LRRC4C: variants seen among roughly 807,000 people sequenced by gnomAD.
The protein encoded by LRRC4C is leucine-rich repeat-containing protein 4C.
LRRC4C carries 5 observed loss-of-function variants against 33.6 expected under a neutral mutation model. The observed-to-expected ratio is 0.15, with a 90% CI of 0.08 to 0.31. The LOEUF (loss-of-function observed/expected upper bound fraction) is 0.31. Ranked by LOEUF, LRRC4C falls within the 10% of genes least tolerant of loss-of-function variation. The pLI, the probability that LRRC4C is intolerant of heterozygous loss-of-function variation, is 1.00. For missense variants in LRRC4C, 560 were observed against 796.7 expected (o/e 0.70, Z 3.58); for synonymous variants, 329 against 302.0 (o/e 1.09, Z -0.93).
intron 3 of LRRC4C, among the ~76,000 whole-genome samples, chr11:40,608,914 C>T (rs530375482): frequency 6.6e-6 from 1 of 152,124 alleles, no homozygotes; most frequent in South Asian, 2.1e-4. Flanking sequence ...ATCAACACTC[C>T]GAAATATATG....
At chr11:40,940,121 C>T (rs1298529213) in intron 1 of LRRC4C, among the ~76,000 whole-genome samples, 1 of 152,126 alleles carries the variant, frequency 6.6e-6, no homozygotes, top group Non-Finnish European at 1.5e-5. Flanking sequence ...TTTAATCTCA[C>T]ACTGTCACAG....
chr11:41,349,733 G>C (rs1227048140), intron 1 of LRRC4C, among the ~76,000 whole-genome samples: 4 of 152,122 alleles, frequency 2.6e-5, no homozygotes, highest in Non-Finnish European at 5.9e-5. Context: ...ACCAGTGTAA[G>C]AACTCCGGCA....
At chr11:40,258,120 C>A (rs536101261) in intron 4 of LRRC4C, among the ~76,000 whole-genome samples, 1 of 152,066 alleles carries the variant, frequency 6.6e-6, no homozygotes, top group Non-Finnish European at 1.5e-5. Flanking sequence ...ATTTTCACCA[C>A]GTTTCATAGT....
chr11:40,492,242 T>G (rs1472139746), intron 3 of LRRC4C, among the ~76,000 whole-genome samples: 1 of 152,202 alleles, frequency 6.6e-6, no homozygotes, highest in African/African-American at 2.4e-5. Context: ...CTCGACTACG[T>G]TGTCAAATCT....
chr11:40,921,207 G>A (rs185656609), intron 2 of LRRC4C, among the ~76,000 whole-genome samples: 26 of 152,282 alleles, frequency 1.7e-4, no homozygotes, highest in African/African-American at 5.1e-4. Context: ...ACAGGCCTAA[G>A]CCACCAAGTC....
At chr11:41,210,053 G>A (rs575756259) in intron 1 of LRRC4C, among the ~76,000 whole-genome samples, 55 of 152,234 alleles carry the variant, frequency 3.6e-4, no homozygotes, top group African/African-American at 1.3e-3. Flanking sequence ...AGAAAGAGAG[G>A]CCTCACTTGA....
intron 3 of LRRC4C, among the ~76,000 whole-genome samples, chr11:40,383,832 G>T (rs1948992446): frequency 1.3e-5 from 2 of 151,694 alleles, no homozygotes; most frequent in African/African-American, 4.8e-5. Flanking sequence ...ACACAGGCAT[G>T]CAACACCGTG....
chr11:41,431,957 C>G (rs747664657), intron 1 of LRRC4C, among the ~76,000 whole-genome samples: 3 of 151,956 alleles, frequency 2.0e-5, no homozygotes, highest in Non-Finnish European at 4.4e-5. Context: ...AGGAGTATGT[C>G]ATCTAAAAGA....
chr11:41,392,061 A>G (rs187673336), intron 1 of LRRC4C, among the ~76,000 whole-genome samples: 5 of 152,020 alleles, frequency 3.3e-5, no homozygotes, highest in Non-Finnish European at 5.9e-5. Flanking sequence ...ACTCACTGGA[A>G]CTATAAAAAA....
chr11:41,192,398 TAC>T (rs148065178), intron 1 of LRRC4C, among the ~76,000 whole-genome samples: 64,582 of 145,636 alleles, frequency 0.44, 15,497 homozygotes, highest in Non-Finnish European at 0.55. Context: ...AAGAAGATCA[TAC>T]ACACACACAC....
intron 1 of LRRC4C, among the ~76,000 whole-genome samples, chr11:41,458,297 T>G (rs1039848142): frequency 6.6e-6 from 1 of 152,146 alleles, no homozygotes; most frequent in African/African-American, 2.4e-5. Context: ...ACCATCCACA[T>G]GCACTGGCAG....
chr11:40,496,848 A>C (rs1332886834), intron 3 of LRRC4C, among the ~76,000 whole-genome samples: 4 of 152,148 alleles, frequency 2.6e-5, no homozygotes, highest in Non-Finnish European at 4.4e-5. Context: ...CATGTCTTGA[A>C]TGTACTAGAA....
At chr11:40,291,844 T>A (rs1944214664) in intron 4 of LRRC4C, among the ~76,000 whole-genome samples, 1 of 152,018 alleles carries the variant, frequency 6.6e-6, no homozygotes, top group African/African-American at 2.4e-5. Flanking sequence ...TGCATCTAAC[T>A]CCGGGGCTGA....
chr11:40,931,070 G>C (rs1957598811), intron 2 of LRRC4C, among the ~76,000 whole-genome samples: 1 of 152,094 alleles, frequency 6.6e-6, no homozygotes, highest in Non-Finnish European at 1.5e-5. Context: ...AAGAAACAGT[G>C]TCCCAGAAGA....
intron 1 of LRRC4C, among the ~76,000 whole-genome samples, chr11:41,198,854 A>G (rs369376751): frequency 6.6e-6 from 1 of 152,128 alleles, no homozygotes; most frequent in East Asian, 1.9e-4. Flanking sequence ...TGGGAATGCT[A>G]TATTTACTGA....
intron 1 of LRRC4C, among the ~76,000 whole-genome samples, chr11:41,104,129 AC>A (rs1371049442): frequency 1.3e-5 from 2 of 151,906 alleles, no homozygotes; most frequent in African/African-American, 2.4e-5. Flanking sequence ...ACGATTAATA[AC>A]TTTTGCTTCT....
At chr11:40,830,684 C>A (rs1952373841) in intron 2 of LRRC4C, among the ~76,000 whole-genome samples, 1 of 152,096 alleles carries the variant, frequency 6.6e-6, no homozygotes. Flanking sequence ...GAGTCTCCCT[C>A]TACCCTTCAT....
chr11:41,029,568 G>T (rs1391747752), intron 1 of LRRC4C, among the ~76,000 whole-genome samples: 1 of 151,790 alleles, frequency 6.6e-6, no homozygotes, highest in Non-Finnish European at 1.5e-5. Context: ...GTAACACAGA[G>T]AATGTTGGTT....
chr11:40,871,215 C>T (rs1349459237), intron 2 of LRRC4C, among the ~76,000 whole-genome samples: 2 of 152,120 alleles, frequency 1.3e-5, no homozygotes, highest in Admixed American at 1.3e-4. Context: ...TTGCCCCTGT[C>T]CTGTGGTCCT....
Sources: allele counts gnomAD v4.1 joint callset (sites outside exome capture counted in the v4.1 genomes callset), GRCh38; gene constraint gnomAD v4.1.1; transcripts MANE v1.5; gene names NCBI Gene and HGNC (gene_info 2026-07-23, HGNC 2026-07-21).